ABCC5: variants seen among roughly 807,000 people sequenced by gnomAD.
ABCC5 encodes ATP binding cassette subfamily C member 5.
A neutral mutation model predicts 160.9 loss-of-function variants in ABCC5; 61 were observed. The ratio of observed to expected loss-of-function variants is 0.38; its 90% CI spans 0.31 to 0.47. The LOEUF is 0.47. ABCC5 is among the 20% of genes least tolerant of loss of function. The pLI is 0.99. For missense variants in ABCC5, 1,308 were observed against 1,813.3 expected (o/e 0.72, Z 5.06); for synonymous variants, 666 against 700.6 (o/e 0.95, Z 0.78).
intron 2 of ABCC5, among the ~76,000 whole-genome samples, chr3:184,011,008 C>T (rs1576951901): frequency 6.6e-6 from 1 of 152,076 alleles, no homozygotes; most frequent in South Asian, 2.1e-4. Flanking sequence ...TCCCAAAGTG[C>T]TAGGATTACG....
Position 183,950,091 on chromosome 3 carries a change from G to T in ABCC5, c.2979C>A (p.Phe993Leu). The T allele has an allele frequency of 6.2e-7, 1 of 1,614,026 alleles. No homozygotes were observed. The highest frequency in any genetic ancestry group is 2.2e-5 in the East Asian group (1 of 44,886). The stretch of plus-strand genomic sequence containing the variant: ...AGAACACCAGGATAACGTTCTGGAT[G>T]AACATCTCGGCCTGGAACGGCAGCC... ...DVRLPFQAEM[F>L]IQNVILVFFC... The change falls in exon 21 of 30, where the codon TTC becomes TTA. Residue 993 changes from phenylalanine to leucine, a missense_variant. Coordinates refer to ENST00000334444, the MANE Select transcript of ABCC5 (RefSeq NM_005688.4).
chr3:183,944,453 T>C (rs1714655679), intron 24 of ABCC5, among the ~76,000 whole-genome samples: 1 of 151,324 alleles, frequency 6.6e-6, no homozygotes, highest in Admixed American at 6.6e-5. Context: ...AAGCTAACTT[T>C]TCAAAACTAT....
At chr3:183,939,550 C>A in intron 25 of ABCC5, among the ~76,000 whole-genome samples, 1 of 152,166 alleles carries the variant, frequency 6.6e-6, no homozygotes, top group Non-Finnish European at 1.5e-5. Flanking sequence ...GTTCAGCCAG[C>A]CCTCTAAGGG....
rs1722315153 is a variant in ABCC5 at position 184,017,790 on chromosome 3, C to T, written c.-56+40G>A. The T allele has an allele frequency of 6.6e-6, 1 of 152,386 alleles. No individual in the cohort carries two copies. Among genetic ancestry groups the T allele is most frequent in the African/African-American group, 2.4e-5 (1 of 41,478 alleles). 9.4% of individuals were successfully genotyped at this position (152,386 alleles called of 1,614,324 possible). ...GCAAAGGGGTGATCCCCGTGACAACCGAGCTGGAGGGCAGGGGTGCGGCAG... is the reference window on the plus strand; with the variant it reads ...GCAAAGGGGTGATCCCCGTGACAACTGAGCTGGAGGGCAGGGGTGCGGCAG... On this transcript the variant is annotated intron_variant, in intron 1 of 29. Transcript: ENST00000334444. The surrounding 1 kb of genome is among the most constrained non-coding windows in gnomAD (Gnocchi z 4.5).
intron 2 of ABCC5, among the ~76,000 whole-genome samples, chr3:184,007,552 G>A (rs560590375): frequency 2.0e-5 from 3 of 152,064 alleles, no homozygotes; most frequent in Admixed American, 6.6e-5. Flanking sequence ...ATGCCCAGGC[G>A]CAGTGGCTCA....
intron 1 of ABCC5, 79 bp from the exon 2 acceptor site, chr3:184,014,526 GAAAA>G (rs67088806): frequency 9.4e-6 from 5 of 530,150 alleles, no homozygotes; most frequent in Non-Finnish European, 1.1e-5. Context: ...TTAAAAATAG[GAAAA>G]AAAAAAAAAA....
Position 183,957,430 on chromosome 3 carries a change from C to T in ABCC5, c.2482+2303G>A, listed in dbSNP as rs548077171. ...TATATCACATCGGTTACATGCAGAT[C>T]CATGTGTATATCACATCTGTTACAT... On this transcript the variant is annotated intron_variant, in intron 17 of 29. Coordinates refer to ENST00000334444, the MANE Select transcript of ABCC5 (RefSeq NM_005688.4). Among the ~76,000 whole-genome samples the T allele has an allele frequency of 2.2e-5, 3 of 136,942 alleles. No individual in the cohort carries two copies. In the South Asian group the frequency reaches 7.0e-4, roughly 32 times the overall value. The allele number at this position is 136,942 out of a possible 152,430, so 89.8% of individuals were successfully genotyped here.
chr3:183,975,676 T>C (rs186882843), intron 10 of ABCC5, among the ~76,000 whole-genome samples: 1 of 151,652 alleles, frequency 6.6e-6, no homozygotes, highest in Admixed American at 6.6e-5. Context: ...AAGCATCTAA[T>C]TAAAAAAAGA....
rs146009724 is a variant in ABCC5 at position 183,991,158 on chromosome 3, A to G, written c.130-1775T>C. ...AGTAAAAAAAAAAAATCAGCCAGGCATGGTGATGCGTGCCTGCAGTACCAG... is the reference window on the plus strand; with the variant it reads ...AGTAAAAAAAAAAAATCAGCCAGGCGTGGTGATGCGTGCCTGCAGTACCAG... On this transcript the variant is annotated intron_variant, in intron 2 of 29. Coordinates refer to ENST00000334444, the MANE Select transcript of ABCC5 (RefSeq NM_005688.4). Among the ~76,000 whole-genome samples, 577 of 152,216 alleles carry G rather than the reference A, an allele frequency of 3.8e-3. 6 individuals carry two copies. Among genetic ancestry groups the G allele is most frequent in the African/African-American group, 0.013 (534 of 41,550 alleles).
rs996437326 is a variant in ABCC5, at chr3:183,949,328, T to C, written c.3227+425A>G. ...CTACTCAAATGTCATGACTACCTTTTACTACTTAAAAGAAAAAGCAAAACT... is the reference window on the plus strand; with the variant it reads ...CTACTCAAATGTCATGACTACCTTTCACTACTTAAAAGAAAAAGCAAAACT... On this transcript the variant is annotated intron_variant, in intron 22 of 29. Coordinates refer to ENST00000334444, the MANE Select transcript of ABCC5 (RefSeq NM_005688.4). The surrounding 1 kb of genome is among the most constrained non-coding windows in gnomAD (Gnocchi z 4.2). Among the ~76,000 whole-genome samples the C allele has an allele frequency of 6.6e-6, 1 of 152,272 alleles. No individual in the cohort carries two copies. Among genetic ancestry groups the C allele is most frequent in the African/African-American group, 2.4e-5 (1 of 41,476 alleles).
intron 29 of ABCC5, among the ~76,000 whole-genome samples, chr3:183,922,377 A>T (rs1044782904): frequency 3.6e-4 from 55 of 152,230 alleles, no homozygotes; most frequent in Non-Finnish European, 1.6e-4. Flanking sequence ...CCGTCTCAAA[A>T]AAATAAATAA....
chr3:184,014,312 A>G lies in ABCC5; in HGVS notation c.81T>C (p.Ser27=). 1 of 1,614,176 alleles carries G rather than the reference A, an allele frequency of 6.2e-7. No homozygotes were observed. Among genetic ancestry groups the G allele is most frequent in the Non-Finnish European group, 8.5e-7 (1 of 1,180,016 alleles). Residue 27 remains serine (S), a synonymous_variant, in exon 2 of 30, where the codon TCT becomes TCC. Coordinates refer to ENST00000334444, the MANE Select transcript of ABCC5 (RefSeq NM_005688.4). ...AATCTTCACGGTCTCTGTGCGTCCC[A>G]GAAGTGCTGGTTCTCTCCCTCACAC... ...YRSVRERTST[S]GTHRDREDSK...
intron 2 of ABCC5, among the ~76,000 whole-genome samples, chr3:183,995,644 C>T (rs527347351): frequency 5.9e-5 from 9 of 152,262 alleles, no homozygotes; most frequent in Admixed American, 3.9e-4. Context: ...TTTGTCTACC[C>T]CTACATTGAT....
In ABCC5 at chr3:183,978,635, C is replaced by T. The variant is rs199949072; in HGVS notation, c.1164G>A (p.Glu388=). Residue 388 remains glutamate, a synonymous_variant, in exon 9 of 30, where the codon GAG becomes GAA. Transcript: ENST00000334444. ...ACCCAGCTTTTTCCAATATCCGACGCTCCTCCTCGCGGATTTCTATGAATA... is the reference window on the plus strand; with the variant it reads ...ACCCAGCTTTTTCCAATATCCGACGTTCCTCCTCGCGGATTTCTATGAATA... ...SQSVQKIREE[E]RRILEKAGYF... is the part of the protein sequence containing the mutation. 8.7e-6 allele frequency: 14 copies of T among 1,613,378 alleles called. No homozygotes were observed. Among genetic ancestry groups the T allele is most frequent in the Non-Finnish European group, 1.2e-5 (14 of 1,179,856 alleles).
At chr3:183,942,674 T>A (rs1714483601) in intron 25 of ABCC5, 53 bp downstream of exon 25, 1 of 1,583,616 alleles carries the variant, frequency 6.3e-7, no homozygotes, top group Non-Finnish European at 8.6e-7. Flanking sequence ...AAAGTGATAT[T>A]TCATAAACTG....
At chr3:183,967,349 C>T in intron 12 of ABCC5, 1 of 266,282 alleles carries the variant, frequency 3.8e-6, no homozygotes, top group South Asian at 4.5e-5. Flanking sequence ...GTTGGCAGCG[C>T]TGCAGTGTAG....
In ABCC5 at chr3:183,934,763, C is replaced by T. The variant is rs914116425; in HGVS notation, c.3854+3138G>A. 1.1e-4 allele frequency among the ~76,000 whole-genome samples: 16 copies of T among 152,294 alleles called. No homozygotes were observed. In the South Asian group the frequency reaches 1.9e-3, roughly 18 times the overall value. ...AACTCCTGAGCTCAAGTGATCCTTC[C>T]GTCTCGGCCTCCCAAAGTGCTGGGA... On this transcript the variant is annotated intron_variant, in intron 26 of 29. Transcript: ENST00000334444.
At chr3:183,959,572 T>G (rs942480609) in intron 17 of ABCC5, among the ~76,000 whole-genome samples, 161 bp downstream of exon 17, 8 of 152,214 alleles carry the variant, frequency 5.3e-5, no homozygotes, top group African/African-American at 1.7e-4. Flanking sequence ...AGGTGCCTCG[T>G]GGTCTCCCAG....
intron 2 of ABCC5, among the ~76,000 whole-genome samples, chr3:184,009,679 G>A (rs1403451456): frequency 2.6e-5 from 4 of 152,136 alleles, no homozygotes; most frequent in Admixed American, 1.3e-4. Flanking sequence ...ACTTAGTAGC[G>A]ATGCATTCAT....
Sources: gnomAD v4.1 joint callset for allele counts (sites outside exome capture counted in the v4.1 genomes callset) on GRCh38, gnomAD v4.1.1 for gene constraint, Gnocchi (gnomAD v3.1) non-coding constraint, MANE v1.5 for transcripts, NCBI Gene and HGNC (gene_info 2026-07-23, HGNC 2026-07-21) for gene names.